The following CCDC91 variants were observed in gnomAD, a reference collection of about 807,000 sequenced individuals.
CCDC91 encodes coiled-coil domain-containing protein 91.
CCDC91 carries 48 observed loss-of-function variants against 63.2 expected under a neutral mutation model. The ratio of observed to expected loss-of-function variants is 0.76; its 90% confidence interval spans 0.60 to 0.97. CCDC91 has a LOEUF of 0.97. Among genes scored for constraint, CCDC91 ranks in the 50% least tolerant of loss-of-function variants. The pLI is 0.00. For missense variants in CCDC91, 500 were observed against 494.6 expected (o/e 1.01, Z -0.10); for synonymous variants, 167 against 165.8 (o/e 1.01, Z -0.06).
chr12:28,264,370 A>AT (rs902814703), intron 3 of CCDC91, among the ~76,000 whole-genome samples: 2 of 149,188 alleles, frequency 1.3e-5, no homozygotes, highest in African/African-American at 4.9e-5. Flanking sequence ...AAAATTAATA[A>AT]TTTTTTTTGG....
At chr12:28,207,062 C>T (rs1302697682) in intron 1 of CCDC91, among the ~76,000 whole-genome samples, 1 of 152,226 alleles carries the variant, frequency 6.6e-6, no homozygotes, top group Non-Finnish European at 1.5e-5. Flanking sequence ...ATAAGGCTGG[C>T]TGCAAAATTC....
chr12:28,330,610 T>C (rs1941423207), intron 6 of CCDC91, among the ~76,000 whole-genome samples: 1 of 152,166 alleles, frequency 6.6e-6, no homozygotes, highest in Non-Finnish European at 1.5e-5. Context: ...AGAAGCTCTT[T>C]AGTTTAATTA....
At chr12:28,334,969 G>A (rs1941815672) in intron 6 of CCDC91, among the ~76,000 whole-genome samples, 1 of 147,198 alleles carries the variant, frequency 6.8e-6, no homozygotes, top group Admixed American at 7.0e-5. Context: ...ATTAGGTACT[G>A]TTTAGTTCAG....
At chr12:28,253,602 T>C (rs1399930285) in intron 1 of CCDC91, among the ~76,000 whole-genome samples, 2 of 152,218 alleles carry the variant, frequency 1.3e-5, no homozygotes, top group Non-Finnish European at 2.9e-5. Context: ...AGTGTGATTC[T>C]CATTTTTCCA....
In CCDC91 at chr12:28,269,391, G is replaced by A. The variant is rs77825645; in HGVS notation, c.109+9949G>A. On this transcript the variant is annotated intron_variant, in intron 3 of 12. Transcript: ENST00000536442. ...TATCTATTCCATATCCCACCCATCA[G>A]CAATTTCTGTAGTTTCTAAGTTCAT... 2.3e-3 allele frequency among the ~76,000 whole-genome samples: 349 copies of A among 152,066 alleles called. 2 individuals are homozygous for A. The highest frequency in any genetic ancestry group is 8.0e-3 in the African/African-American group (330 of 41,472).
At chr12:28,440,709 T>C (rs1401713892) in intron 8 of CCDC91, among the ~76,000 whole-genome samples, 1 of 152,022 alleles carries the variant, frequency 6.6e-6, no homozygotes, top group African/African-American at 2.4e-5. Context: ...ATCCAGAGTA[T>C]ATAAATCAGT....
chr12:28,317,153 G>A (rs935252645), intron 6 of CCDC91, among the ~76,000 whole-genome samples: 1 of 151,926 alleles, frequency 6.6e-6, no homozygotes, highest in African/African-American at 2.4e-5. Flanking sequence ...TGGGACTATT[G>A]ATGGTTTGTC....
intron 6 of CCDC91, among the ~76,000 whole-genome samples, chr12:28,343,059 A>T (rs921234163): frequency 6.6e-6 from 1 of 151,880 alleles, no homozygotes; most frequent in Admixed American, 6.6e-5. Flanking sequence ...GTAGTCAGGG[A>T]TATGTTTGGT....
intron 3 of CCDC91, among the ~76,000 whole-genome samples, chr12:28,303,777 G>A (rs558082191): frequency 6.6e-6 from 1 of 152,228 alleles, no homozygotes; most frequent in Admixed American, 6.5e-5. Context: ...GAGAAGTTAA[G>A]TAACTTGTCC....
intron 6 of CCDC91, among the ~76,000 whole-genome samples, chr12:28,333,032 C>G (rs901710046): frequency 3.3e-5 from 5 of 151,980 alleles, no homozygotes; most frequent in African/African-American, 1.2e-4. Context: ...ACAGTTGAAA[C>G]AAGAATCATA....
chr12:28,496,396 G>A (rs1388770442), intron 12 of CCDC91, among the ~76,000 whole-genome samples: 1 of 151,536 alleles, frequency 6.6e-6, no homozygotes, highest in Non-Finnish European at 1.5e-5. Context: ...ATTTGACTCT[G>A]GTTAGTGGAG....
intron 3 of CCDC91, among the ~76,000 whole-genome samples, chr12:28,275,340 C>T (rs1214981559): frequency 6.6e-6 from 1 of 152,130 alleles, no homozygotes; most frequent in Non-Finnish European, 1.5e-5. Flanking sequence ...TACTATAAAA[C>T]ACCTCTATGC....
At chr12:28,309,060 A>C (rs1939043179) in intron 6 of CCDC91, among the ~76,000 whole-genome samples, 1 of 152,006 alleles carries the variant, frequency 6.6e-6, no homozygotes, top group Non-Finnish European at 1.5e-5. Flanking sequence ...ATGCGTGGGG[A>C]AGGACATTCT....
chr12:28,284,103 A>T (rs1385707315), intron 3 of CCDC91, among the ~76,000 whole-genome samples: 1 of 152,122 alleles, frequency 6.6e-6, no homozygotes, highest in Non-Finnish European at 1.5e-5. Context: ...AACATTCATG[A>T]TACAGCCTTT....
At chr12:28,538,191 G>T (rs1942334986) in intron 12 of CCDC91, among the ~76,000 whole-genome samples, 1 of 149,372 alleles carries the variant, frequency 6.7e-6, no homozygotes, top group African/African-American at 2.5e-5. Context: ...GTGCCATGTT[G>T]GTGTGCTACA....
chr12:28,243,655 A>G (rs1348573233), intron 1 of CCDC91, among the ~76,000 whole-genome samples: 2 of 152,304 alleles, frequency 1.3e-5, no homozygotes, highest in East Asian at 1.9e-4. Context: ...AAAGAGATAT[A>G]TAACATAAAT....
intron 6 of CCDC91, among the ~76,000 whole-genome samples, chr12:28,321,996 CTT>C (rs1246134205): frequency 6.6e-6 from 1 of 151,412 alleles, no homozygotes; most frequent in African/African-American, 2.4e-5. Flanking sequence ...TACACTATAG[CTT>C]TAATTTATAA....
At chr12:28,259,161 G>A (rs986342332) in intron 2 of CCDC91, among the ~76,000 whole-genome samples, 1 of 151,942 alleles carries the variant, frequency 6.6e-6, no homozygotes, top group Non-Finnish European at 1.5e-5. Context: ...ATTTTTACTT[G>A]AAGTTAATAA....
At chr12:28,315,388 A>G (rs1394430231) in intron 6 of CCDC91, among the ~76,000 whole-genome samples, 3 of 151,088 alleles carry the variant, frequency 2.0e-5, no homozygotes, top group Admixed American at 6.6e-5. Flanking sequence ...CTGGCTTTGA[A>G]CTCCTGACCT....
Sources: gnomAD v4.1 joint callset for allele counts (sites outside exome capture counted in the v4.1 genomes callset) on GRCh38, gnomAD v4.1.1 for gene constraint, MANE v1.5 for transcripts, NCBI Gene and HGNC (gene_info 2026-07-23, HGNC 2026-07-21) for gene names.